The following HDAC7 variants were observed in gnomAD, a reference collection of about 807,000 sequenced individuals.
HDAC7 encodes the protein histone deacetylase 7A.
Under a neutral mutation model 115.5 loss-of-function variants are expected in HDAC7, and 26 were observed. The ratio of observed to expected loss-of-function variants is 0.23; its 90% CI spans 0.16 to 0.31. The LOEUF (loss-of-function observed/expected upper bound fraction) is 0.31. Ranked by LOEUF, HDAC7 falls within the 10% of genes least tolerant of loss-of-function variation. HDAC7 has a pLI of 1.00. For synonymous variants in HDAC7, 564 were observed against 550.9 expected (o/e 1.02, Z -0.33); for missense variants, 1,068 against 1,329.0 (o/e 0.80, Z 3.05).
intron 16 of HDAC7, chr12:47,790,138 A>C: frequency 1.8e-6 from 1 of 563,662 alleles, no homozygotes; most frequent in Non-Finnish European, 3.2e-6. Flanking sequence ...CCAGCCCATT[A>C]TCTGGCCAGC....
chr12:47,792,083 C>T, intron 13 of HDAC7, 79 bp from the exon 14 acceptor site: 2 of 1,479,258 alleles, frequency 1.4e-6, no homozygotes, highest in Non-Finnish European at 9.1e-7. Flanking sequence ...CACGCCAGCA[C>T]CGCCACAGCA....
chr12:47,791,625 G>T lies in HDAC7; in HGVS notation c.1894C>A (p.Pro632Thr). Residue 632 changes from proline (P) to threonine (T), a missense_variant, in exon 15 of 26, where the codon CCG becomes ACG. Physicochemically the swap from Pro to Thr is conservative, Grantham distance 38 (BLOSUM62 -1). Transcript: ENST00000080059. ...TTGTCCAGTTTGAGGCGGCTGAGCG[G>T]GTTGGTGCCGTAGAGGAGCACGTGC... ...ERHVLLYGTN[P>T]LSRLKLDNGK... 6.2e-7 allele frequency: 1 copy of T among 1,611,416 alleles called. No individual in the cohort carries two copies. Among genetic ancestry groups the T allele is most frequent in the Non-Finnish European group, 8.5e-7 (1 of 1,179,020 alleles).
At chr12:47,809,465 ATAT>A (rs1266443088) in intron 1 of HDAC7, among the ~76,000 whole-genome samples, 6 of 152,150 alleles carry the variant, frequency 3.9e-5, no homozygotes, top group Admixed American at 3.9e-4. Context: ...TTAATTAATA[ATAT>A]TAATAATGAT....
At chr12:47,805,845 T>C (rs1301662366) in intron 1 of HDAC7, among the ~76,000 whole-genome samples, 2 of 152,138 alleles carry the variant, frequency 1.3e-5, no homozygotes, top group Admixed American at 1.3e-4. Flanking sequence ...CAACCCCAAA[T>C]GCAGGTACTA....
intron 15 of HDAC7, 44 bp downstream of exon 15, chr12:47,791,542 G>C: frequency 1.3e-6 from 2 of 1,574,638 alleles, no homozygotes; most frequent in South Asian, 1.2e-5. Context: ...TGGGAGCTGG[G>C]TGAGGTAAGC....
In HDAC7 at chr12:47,787,748, G is replaced by C; in HGVS notation, c.2417C>G (p.Pro806Arg). ...CAGGTACTCAGGATCCCCCATGGGG[G>C]GGTCCAGACCTCCAGCCCAGGCCAC... ...VNVAWAGGLD[P>R]PMGDPEYLAA... is the part of the protein sequence containing the mutation. Residue 806 changes from proline to arginine, a missense_variant, in exon 21 of 26, where the codon CCC (proline) becomes CGC (arginine). Physicochemically the swap from Pro to Arg is moderately radical, Grantham distance 103 (BLOSUM62 -2). This residue lies in a region of HDAC7 where 182 missense variants were observed against 301.1 expected (regional missense o/e 0.60). Transcript: ENST00000080059. 2 of 1,612,522 alleles carry C rather than the reference G, an allele frequency of 1.2e-6. No individual in the cohort carries two copies. Among genetic ancestry groups the C allele is most frequent in the Non-Finnish European group, 1.7e-6 (2 of 1,179,530 alleles).
At chr12:47,801,248 G>A (rs1201417369) in intron 2 of HDAC7, among the ~76,000 whole-genome samples, 1 of 152,210 alleles carries the variant, frequency 6.6e-6, no homozygotes, top group African/African-American at 2.4e-5. Flanking sequence ...ATAGGGCAGG[G>A]AGTTGGTTTC....
In HDAC7 at chr12:47,793,117, G is replaced by T; in HGVS notation, c.1678+252C>A. 1 of 482,772 alleles carries T rather than the reference G, an allele frequency of 2.1e-6. No individual in the cohort carries two copies. Among genetic ancestry groups the T allele is most frequent in the Non-Finnish European group, 3.6e-6 (1 of 274,984 alleles). 29.9% of individuals were successfully genotyped at this position (482,772 alleles called of 1,614,324 possible). On this transcript the variant is annotated intron_variant, in intron 13 of 25. Coordinates refer to ENST00000080059, the MANE Select transcript of HDAC7 (RefSeq NM_015401.5). The surrounding 1 kb of genome is among the most constrained non-coding windows in gnomAD (Gnocchi z 4.5). ...GGGCTGAGTGCATTGGCAGGAGACT[G>T]GAATTCTTATCCTGGCTTGACTACC... is the stretch of plus-strand genomic sequence containing the variant.
In HDAC7 at chr12:47,799,154, C is replaced by A. The variant is rs556974670; in HGVS notation, c.71-182G>T. The stretch of plus-strand genomic sequence containing the variant: ...GGTAGGTATTATCAATTCCATTTTA[C>A]TCGTGAGAAAAAAGTCACATGAACT... On this transcript the variant is annotated intron_variant, in intron 2 of 25. Coordinates refer to ENST00000080059, the MANE Select transcript of HDAC7 (RefSeq NM_015401.5). The A allele has an allele frequency of 4.3e-4, 241 of 555,332 alleles. 4 individuals are homozygous for A. In the South Asian group the frequency reaches 6.3e-3, roughly 15 times the overall value. 34.4% of individuals were successfully genotyped at this position (555,332 alleles called of 1,614,324 possible).
Position 47,795,571 on chromosome 12 carries a change from G to A in HDAC7, c.1087+16C>T, listed in dbSNP as rs1274578137. The A allele has an allele frequency of 1.3e-6, 2 of 1,554,422 alleles. No homozygotes were observed. The highest frequency in any genetic ancestry group is 1.4e-5 in the African/African-American group (1 of 73,238). On this transcript the variant is annotated intron_variant, in intron 10 of 25. Transcript: ENST00000080059. This position sits in a 1 kb window ranked among gnomAD's most constrained non-coding sequence, Gnocchi z 4.3. ...GCAGGGACCCAGCCCCTTCCCTGAA[G>A]AAGCAGCAGACTCACCAGTCAGCAG... is the stretch of plus-strand genomic sequence containing the variant.
At chr12:47,791,476 A>G (rs574251512) in intron 15 of HDAC7, 110 bp downstream of exon 15, 146 of 1,443,622 alleles carry the variant, frequency 1.0e-4, no homozygotes, top group Non-Finnish European at 1.3e-4. Flanking sequence ...TGGAGTAGGG[A>G]CGTCCAGGGT....
At chr12:47,796,405 A>T (rs998753336) in intron 7 of HDAC7, 107 bp from the exon 8 acceptor site, 16 of 658,726 alleles carry the variant, frequency 2.4e-5, no homozygotes, top group African/African-American at 1.9e-5. Flanking sequence ...TTCCTTAACG[A>T]GCACCTTTGC....
rs148806368 is a variant in HDAC7 at position 47,808,325 on chromosome 12, C to G, written c.20-6051G>C. ...GAGCTGGGAGCCAGTGTCGCCCCCCCACCCCACCTCCACTTCTGCTGTTTG... is the reference window on the plus strand; with the variant it reads ...GAGCTGGGAGCCAGTGTCGCCCCCCGACCCCACCTCCACTTCTGCTGTTTG... On this transcript the variant is annotated intron_variant, in intron 1 of 25. Coordinates refer to ENST00000080059, the MANE Select transcript of HDAC7 (RefSeq NM_015401.5). Among the ~76,000 whole-genome samples, 11 of 152,304 alleles carry G rather than the reference C, an allele frequency of 7.2e-5. 1 individual carries two copies. In the East Asian group the frequency reaches 1.2e-3, roughly 16 times the overall value.
chr12:47,800,881 C>T (rs1176877427), intron 2 of HDAC7, among the ~76,000 whole-genome samples: 1 of 152,224 alleles, frequency 6.6e-6, no homozygotes, highest in African/African-American at 2.4e-5. Flanking sequence ...AAATACTTTT[C>T]GAGGTGCTTT....
chr12:47,796,383 G>T, intron 7 of HDAC7, 85 bp from the exon 8 acceptor site: 1 of 868,956 alleles, frequency 1.2e-6, no homozygotes, highest in South Asian at 1.6e-5. Context: ...CAGGAGACCC[G>T]GGAGCACCCC....
rs746601744 is a variant in HDAC7 at position 47,796,999 on chromosome 12, G to A, written c.703+18C>T. ...CAGGTTTGAGGATGGCAACCGCACT[G>A]GCTCAGCCGGCCCTCACCTCCGAGG... On this transcript the variant is annotated intron_variant, in intron 7 of 25. Coordinates refer to ENST00000080059, the MANE Select transcript of HDAC7 (RefSeq NM_015401.5). 6.5e-7 allele frequency: 1 copy of A among 1,528,746 alleles called. No individual in the cohort carries two copies. Among genetic ancestry groups the A allele is most frequent in the African/African-American group, 1.4e-5 (1 of 72,038 alleles). 94.7% of individuals were successfully genotyped at this position (1,528,746 alleles called of 1,614,324 possible).
At chr12:47,788,411 ATC>A in intron 19 of HDAC7, 1 of 335,322 alleles carries the variant, frequency 3.0e-6, no homozygotes, top group Non-Finnish European at 5.4e-6. Context: ...AGGTGTCCCA[ATC>A]TCAGGCCAGC....
Position 47,783,883 on chromosome 12 carries a change from G to C in HDAC7, c.2934C>G (p.Pro978=). ...LSVGILAEDR[P]SEQLVEEEEP... ...CTTCCTCCTCCACCAGCTGCTCCGA[G>C]GGCCTGTGGGGAGGGACAAGGGTGG... The change falls in exon 26 of 26, where the codon CCC becomes CCG. Residue 978 remains proline, a synonymous_variant. Coordinates refer to ENST00000080059, the MANE Select transcript of HDAC7 (RefSeq NM_015401.5). 6.2e-7 allele frequency: 1 copy of C among 1,612,826 alleles called. No individual in the cohort carries two copies. Among genetic ancestry groups the C allele is most frequent in the African/African-American group, 1.3e-5 (1 of 75,032 alleles).
chr12:47,789,477 G>T, intron 18 of HDAC7, 46 bp downstream of exon 18: 1 of 1,604,658 alleles, frequency 6.2e-7, no homozygotes, highest in East Asian at 2.2e-5. Context: ...AGTTCCTGGG[G>T]GCTTGCCCCC....
Sources: allele counts gnomAD v4.1 joint callset (sites outside exome capture counted in the v4.1 genomes callset), GRCh38; gene constraint gnomAD v4.1.1; regional missense constraint gnomAD v4.1.1; non-coding constraint Gnocchi (gnomAD v3.1); transcripts MANE v1.5; gene names NCBI Gene and HGNC (gene_info 2026-07-23, HGNC 2026-07-21).